ZBTB38: variants seen among roughly 807,000 people sequenced by gnomAD.
The protein encoded by ZBTB38 is zinc finger and BTB domain containing 38, also known as zinc finger and BTB domain-containing protein 38.
A neutral mutation model predicts 76.8 loss-of-function variants in ZBTB38; 20 were observed. The ratio of observed to expected loss-of-function variants is 0.26; its 90% CI spans 0.18 to 0.38. ZBTB38 has a LOEUF of 0.38. Among genes scored for constraint, ZBTB38 ranks in the 10% least tolerant of loss-of-function variants. The pLI is 1.00. For synonymous variants in ZBTB38, 504 were observed against 544.2 expected, an observed-to-expected ratio of 0.93 and a Z score of 1.03; for missense variants, 1,082 against 1,482.3, an observed-to-expected ratio of 0.73 and a Z score of 4.43.
intron 3 of ZBTB38, among the ~76,000 whole-genome samples, chr3:141,385,094 A>G (rs1243707394): frequency 1.3e-5 from 2 of 152,206 alleles, no homozygotes; most frequent in South Asian, 2.1e-4. Context: ...GGGAGCTTCA[A>G]TGTGTTGCTA....
intron 2 of ZBTB38, among the ~76,000 whole-genome samples, chr3:141,373,269 TA>T (rs1342750490): frequency 2.0e-5 from 3 of 152,262 alleles, no homozygotes; most frequent in Admixed American, 6.5e-5. Context: ...TGTATTTTGT[TA>T]TTTTTTTCTA....
chr3:141,422,734 T>C (rs1424119251), intron 5 of ZBTB38, among the ~76,000 whole-genome samples: 2 of 152,094 alleles, frequency 1.3e-5, no homozygotes, highest in Non-Finnish European at 2.9e-5. Context: ...GCTGTGCGGG[T>C]GCCTTATCCT....
At chr3:141,422,284 C>T (rs2075567890) in intron 5 of ZBTB38, among the ~76,000 whole-genome samples, 1 of 152,184 alleles carries the variant, frequency 6.6e-6, no homozygotes, top group South Asian at 2.1e-4. Flanking sequence ...TCTCTCTGGC[C>T]TTTCTCCTCC....
At chr3:141,356,338 C>T (rs1413492362) in intron 1 of ZBTB38, among the ~76,000 whole-genome samples, 2 of 152,062 alleles carry the variant, frequency 1.3e-5, no homozygotes, top group Non-Finnish European at 2.9e-5. Flanking sequence ...GACGGCTCTT[C>T]CCTCGCCCAG....
At chr3:141,393,667 A>G (rs1949554961) in intron 4 of ZBTB38, among the ~76,000 whole-genome samples, 1 of 152,202 alleles carries the variant, frequency 6.6e-6, no homozygotes, top group African/African-American at 2.4e-5. Context: ...AAGATAAGAA[A>G]GAGGGAACAA....
At chr3:141,382,348 T>A (rs967353271) in intron 3 of ZBTB38, among the ~76,000 whole-genome samples, 1 of 152,222 alleles carries the variant, frequency 6.6e-6, no homozygotes, top group Non-Finnish European at 1.5e-5. Context: ...AAATGCTGAA[T>A]ACATTGGGTG....
intron 4 of ZBTB38, among the ~76,000 whole-genome samples, chr3:141,402,126 C>T (rs1206463444): frequency 1.3e-5 from 2 of 152,202 alleles, no homozygotes; most frequent in Non-Finnish European, 2.9e-5. Context: ...GCCGCTGCCT[C>T]CTTGGTGGGG....
In ZBTB38 at chr3:141,434,308, G is replaced by A. The variant is rs1285266963; in HGVS notation, c.1-8081G>A. The A allele has an allele frequency of 7.3e-6, 5 of 688,170 alleles. No homozygotes were observed. In the East Asian group the frequency reaches 6.7e-4, roughly 92 times the overall value. 42.6% of individuals were successfully genotyped at this position (688,170 alleles called of 1,614,324 possible). A position where few individuals can be genotyped will look rare whatever the true frequency, so the allele number is the denominator to read the frequency against. ...AGAGGAAAAACAGTTTCTCTCCTAA[G>A]GCTTTATTCAGGCAGAATGTAGAAG... is the stretch of plus-strand genomic sequence containing the variant. On this transcript the variant is annotated intron_variant, in intron 5 of 5. Transcript: ENST00000321464.
intron 5 of ZBTB38, chr3:141,434,110 A>AG (rs2078218819): frequency 1.3e-6 from 1 of 748,684 alleles, no homozygotes; most frequent in Non-Finnish European, 1.6e-6. Flanking sequence ...AGGAGCTCAT[A>AG]GGGAAGATAT....
At chr3:141,415,105 G>A (rs1250180391) in intron 5 of ZBTB38, among the ~76,000 whole-genome samples, 1 of 150,942 alleles carries the variant, frequency 6.6e-6, no homozygotes, top group Non-Finnish European at 1.5e-5. Context: ...TTCACCAGAG[G>A]TCAGGGAACT....
intron 4 of ZBTB38, chr3:141,402,524 C>T (rs932007223): frequency 5.1e-4 from 76 of 149,742 alleles, no homozygotes; most frequent in African/African-American, 1.7e-3. Context: ...GCGCGGCGCC[C>T]GTGGCGCCGC....
In ZBTB38 at chr3:141,442,692, G is replaced by A. The variant is rs1285099958; in HGVS notation, c.304G>A (p.Glu102Lys). Residue 102 changes from glutamate (E) to lysine (K), a missense_variant, in exon 6 of 6, where the codon GAA becomes AAA. Transcript: ENST00000321464. This position sits in a 1 kb window ranked among gnomAD's most constrained non-coding sequence, Gnocchi z 6.4. ...TTCCACAGTCGTTGTCAAGAGACAGGAAACAGTCACTGATCTCGCAGCTGC... is the reference window on the plus strand; with the variant it reads ...TTCCACAGTCGTTGTCAAGAGACAGAAAACAGTCACTGATCTCGCAGCTGC... ...YSSTVVVKRQ[E>K]TVTDLAAAGK... is the part of the protein sequence containing the mutation. 2 of 1,614,070 alleles carry A rather than the reference G, an allele frequency of 1.2e-6. No individual in the cohort carries two copies. Among genetic ancestry groups the A allele is most frequent in the Admixed American group, 1.7e-5 (1 of 60,014 alleles).
chr3:141,442,799 T>C lies in ZBTB38; in HGVS notation c.411T>C (p.Cys137=). ...FSNSPGPYVF[C]ITEKGVVKEE... ...ATTCCCCGGGTCCCTATGTATTCTGTATTACTGAAAAGGGAGTGGTTAAAG... is the reference window on the plus strand; with the variant it reads ...ATTCCCCGGGTCCCTATGTATTCTGCATTACTGAAAAGGGAGTGGTTAAAG... The change falls in exon 6 of 6, where the codon TGT becomes TGC. Residue 137 remains cysteine, a synonymous_variant. Coordinates refer to ENST00000321464, the MANE Select transcript of ZBTB38 (RefSeq NM_001376113.1). This position sits in a 1 kb window ranked among gnomAD's most constrained non-coding sequence, Gnocchi z 6.4. 5.0e-6 allele frequency: 8 copies of C among 1,614,046 alleles called. No individual in the cohort carries two copies. The highest frequency in any genetic ancestry group is 6.8e-6 in the Non-Finnish European group (8 of 1,179,998).
chr3:141,436,497 A>G (rs944586688), intron 5 of ZBTB38, among the ~76,000 whole-genome samples: 6 of 151,990 alleles, frequency 3.9e-5, no homozygotes, highest in Admixed American at 2.6e-4. Flanking sequence ...AAAAAAAGCT[A>G]TATTGATTTT....
intron 5 of ZBTB38, among the ~76,000 whole-genome samples, chr3:141,440,569 C>T (rs1189394495): frequency 6.6e-6 from 1 of 152,196 alleles, no homozygotes; most frequent in Non-Finnish European, 1.5e-5. Flanking sequence ...TTTCTGGAGA[C>T]GTCTCTTAAT....
intron 1 of ZBTB38, among the ~76,000 whole-genome samples, chr3:141,348,403 C>T (rs1018917344): frequency 7.2e-5 from 11 of 152,188 alleles, no homozygotes; most frequent in East Asian, 1.9e-4. Context: ...AAGAAATGCT[C>T]ATAATAGCTT....
At chr3:141,338,501 G>T (rs1206976755) in intron 1 of ZBTB38, among the ~76,000 whole-genome samples, 1 of 152,222 alleles carries the variant, frequency 6.6e-6, no homozygotes, top group African/African-American at 2.4e-5. Flanking sequence ...CAGTAACATG[G>T]ATAGAGCTGG....
intron 3 of ZBTB38, among the ~76,000 whole-genome samples, chr3:141,385,733 T>C (rs1946919726): frequency 6.6e-6 from 1 of 152,034 alleles, no homozygotes; most frequent in Non-Finnish European, 1.5e-5. Context: ...TTCTTGAATG[T>C]TTTTTATTTA....
intron 5 of ZBTB38, among the ~76,000 whole-genome samples, chr3:141,407,400 A>G (rs1408893164): frequency 1.3e-5 from 2 of 152,240 alleles, no homozygotes; most frequent in Admixed American, 6.5e-5. Context: ...TGGAAGACTA[A>G]TTAATACATA....
Sources: gnomAD v4.1 joint callset for allele counts (sites outside exome capture counted in the v4.1 genomes callset) on GRCh38, gnomAD v4.1.1 for gene constraint, Gnocchi (gnomAD v3.1) non-coding constraint, MANE v1.5 for transcripts, NCBI Gene and HGNC (gene_info 2026-07-23, HGNC 2026-07-21) for gene names.